OTOGL: variants seen among roughly 807,000 people sequenced by gnomAD.
The protein encoded by OTOGL is otogelin-like protein.
A neutral mutation model predicts 318.5 loss-of-function variants in OTOGL; 285 were observed. The ratio of observed to expected loss-of-function variants is 0.89; its 90% confidence interval spans 0.81 to 0.99. OTOGL has a LOEUF of 0.99. Among genes scored for constraint, OTOGL ranks in the 50% least tolerant of loss-of-function variants. The probability of loss-of-function intolerance (pLI) is 0.00; values close to 1 mark genes in which losing one functional copy is unlikely to be tolerated. For synonymous variants in OTOGL, 987 were observed against 936.5 expected (o/e 1.05, Z -0.99); for missense variants, 2,899 against 2,845.6 (o/e 1.02, Z -0.43).
At chr12:80,125,607 G>A (rs1870776323) in intron 1 of OTOGL, among the ~76,000 whole-genome samples, 1 of 152,178 alleles carries the variant, frequency 6.6e-6, no homozygotes, top group South Asian at 2.1e-4. Context: ...AGTTTCAGAA[G>A]GAATGGTACC....
intron 29 of OTOGL, 141 bp from the exon 30 acceptor site, chr12:80,310,470 G>A: frequency 1.7e-6 from 1 of 601,550 alleles, no homozygotes. Context: ...AATAGGATGT[G>A]AGCAGGTGCT....
At chr12:80,376,484 G>A (rs543582054) in intron 57 of OTOGL, among the ~76,000 whole-genome samples, 6 of 152,174 alleles carry the variant, frequency 3.9e-5, no homozygotes, top group East Asian at 1.9e-4. Flanking sequence ...GTAATAGCAC[G>A]TGATAATCCA....
At chr12:80,375,171 T>C (rs1365579066) in intron 57 of OTOGL, among the ~76,000 whole-genome samples, 2 of 152,154 alleles carry the variant, frequency 1.3e-5, no homozygotes, top group Admixed American at 6.6e-5. Flanking sequence ...TAGGCTGTGT[T>C]GAAGAGATTG....
At chr12:80,231,104 T>C (rs1879317995) in intron 8 of OTOGL, among the ~76,000 whole-genome samples, 1 of 152,156 alleles carries the variant, frequency 6.6e-6, no homozygotes, top group Non-Finnish European at 1.5e-5. Context: ...ATACGCATAA[T>C]AGTACAACTA....
chr12:80,313,130 A>G (rs1017959867), intron 30 of OTOGL, among the ~76,000 whole-genome samples: 1 of 152,248 alleles, frequency 6.6e-6, no homozygotes, highest in Non-Finnish European at 1.5e-5. Flanking sequence ...ATACGAAATT[A>G]TATAAAATTA....
chr12:80,234,943 A>T (rs1185710091), intron 9 of OTOGL, among the ~76,000 whole-genome samples: 1 of 152,184 alleles, frequency 6.6e-6, no homozygotes, highest in Non-Finnish European at 1.5e-5. Context: ...AGCACAATAC[A>T]AATGTATAGT....
intron 1 of OTOGL, among the ~76,000 whole-genome samples, chr12:80,126,594 T>C (rs2137110570): frequency 6.6e-6 from 1 of 152,320 alleles, no homozygotes; most frequent in South Asian, 2.1e-4. Flanking sequence ...CTGGGTATCC[T>C]TGTTAACTTT....
chr12:80,189,806 C>T (rs1875548515), intron 1 of OTOGL, among the ~76,000 whole-genome samples: 1 of 152,136 alleles, frequency 6.6e-6, no homozygotes, highest in African/African-American at 2.4e-5. Flanking sequence ...CTAGGGTGGT[C>T]TTCTTTGCGC....
chr12:80,131,955 A>G (rs1167795167), intron 1 of OTOGL: 1 of 152,222 alleles, frequency 6.6e-6, no homozygotes, highest in Non-Finnish European at 1.5e-5. Context: ...TTGTAAGAAC[A>G]TACAATATCA....
At chr12:80,320,379 A>G (rs1887243598) in intron 33 of OTOGL, 43 bp from the exon 34 acceptor site, 3 of 1,527,664 alleles carry the variant, frequency 2.0e-6, no homozygotes, top group Non-Finnish European at 2.7e-6. Flanking sequence ...AATGTTGATG[A>G]TCTTCCTTCT....
At chr12:80,266,707 A>G in intron 21 of OTOGL, 91 bp downstream of exon 21, 3 of 1,298,412 alleles carry the variant, frequency 2.3e-6, no homozygotes, top group Non-Finnish European at 1.0e-6. Context: ...TTTTGAAAAA[A>G]ATATTTCTTA....
intron 35 of OTOGL, among the ~76,000 whole-genome samples, chr12:80,325,270 A>C (rs1420308693): frequency 6.6e-6 from 1 of 152,220 alleles, no homozygotes; most frequent in Non-Finnish European, 1.5e-5. Context: ...TGTAAGATCC[A>C]GCCCCTCTCT....
chr12:80,345,992 A>G (rs1172383709), intron 44 of OTOGL, among the ~76,000 whole-genome samples: 1 of 152,210 alleles, frequency 6.6e-6, no homozygotes, highest in Non-Finnish European at 1.5e-5. Context: ...ATATTGCAAA[A>G]CGGAGGTAGA....
At chr12:80,353,260 T>C in intron 45 of OTOGL, 65 bp from the exon 46 acceptor site, 1 of 1,185,384 alleles carries the variant, frequency 8.4e-7, no homozygotes, top group Non-Finnish European at 1.1e-6. Context: ...GACATTTCTT[T>C]CTTTTACTAG....
chr12:80,107,151 G>T (rs1869503303), intron 1 of OTOGL, among the ~76,000 whole-genome samples: 1 of 152,040 alleles, frequency 6.6e-6, no homozygotes, highest in African/African-American at 2.4e-5. Context: ...TCCTATTTCT[G>T]CTGTAACAAA....
chr12:80,140,896 T>C (rs1021720027), intron 1 of OTOGL, among the ~76,000 whole-genome samples: 8 of 152,304 alleles, frequency 5.3e-5, no homozygotes, highest in East Asian at 1.9e-4. Flanking sequence ...AGTGATTTTT[T>C]CCCACATTTA....
At chr12:80,363,220 A>G (rs1370132165) in intron 52 of OTOGL, among the ~76,000 whole-genome samples, 2 of 152,200 alleles carry the variant, frequency 1.3e-5, no homozygotes, top group African/African-American at 2.4e-5. Context: ...AGTTATGGGC[A>G]GTCATCATGC....
At chr12:80,226,018 A>G (rs1471582292) in intron 7 of OTOGL, among the ~76,000 whole-genome samples, 1 of 152,072 alleles carries the variant, frequency 6.6e-6, no homozygotes, top group African/African-American at 2.4e-5. Flanking sequence ...GGCTCACAAG[A>G]GACAATTACT....
In OTOGL at chr12:80,271,648, T is replaced by C. The variant is rs778439141; in HGVS notation, c.2519T>C (p.Val840Ala). 1.3e-5 allele frequency: 21 copies of C among 1,612,172 alleles called. No homozygotes were observed. Among genetic ancestry groups the C allele is most frequent in the Non-Finnish European group, 1.8e-5 (21 of 1,178,964 alleles). The change falls in exon 24 of 59, where the codon GTT becomes GCT. Residue 840 changes from valine (V) to alanine (A), a missense_variant and splice_region_variant. This residue lies in a region of OTOGL where 2,607 missense variants were observed against 2,524.9 expected (regional missense o/e 1.03). Transcript: ENST00000547103. ...KCDELATPSA[V>A]HICPEGKEYF... ...ATTTTGTCTGTGCTTATATCTGAAG[T>C]TCACATCTGCCCAGAGGGAAAAGAG...
Sources: allele counts gnomAD v4.1 joint callset (sites outside exome capture counted in the v4.1 genomes callset), GRCh38; gene constraint gnomAD v4.1.1; regional missense constraint gnomAD v4.1.1; transcripts MANE v1.5; gene names NCBI Gene and HGNC (gene_info 2026-07-23, HGNC 2026-07-21).